The following SDK1 variants were observed in gnomAD, a reference collection of about 807,000 sequenced individuals.
SDK1 encodes the protein protein sidekick-1.
In SDK1, 157 loss-of-function variants were observed where a neutral mutation model predicts 245.5. That is an observed-to-expected ratio of 0.64 (90% confidence interval 0.56 to 0.73). The LOEUF is 0.73. Among genes scored for constraint, SDK1 ranks in the 30% least tolerant of loss-of-function variants. The pLI is 0.00. For missense variants in SDK1, 3,583 were observed against 3,002.3 expected, an observed-to-expected ratio of 1.19 and a Z score of -4.52; for synonymous variants, 1,647 against 1,278.5, an observed-to-expected ratio of 1.29 and a Z score of -6.15.
intron 35 of SDK1, among the ~76,000 whole-genome samples, chr7:4,196,055 G>A (rs1456281909): frequency 2.0e-5 from 3 of 152,174 alleles, no homozygotes; most frequent in East Asian, 1.9e-4. Context: ...CTTCATGTCT[G>A]GACTTTTACT....
chr7:3,845,745 T>C (rs1268730653), intron 5 of SDK1, among the ~76,000 whole-genome samples: 1 of 151,920 alleles, frequency 6.6e-6, no homozygotes, highest in Admixed American at 6.6e-5. Flanking sequence ...GAAATTCCAT[T>C]TGCAGTGTTT....
At chr7:3,609,884 A>G (rs2128641722) in intron 1 of SDK1, among the ~76,000 whole-genome samples, 1 of 151,056 alleles carries the variant, frequency 6.6e-6, no homozygotes, top group East Asian at 2.0e-4. Flanking sequence ...TGTTTTTAGT[A>G]GAGATGGGGT....
chr7:3,764,624 G>A (rs1052512603), intron 4 of SDK1, among the ~76,000 whole-genome samples: 2 of 152,108 alleles, frequency 1.3e-5, no homozygotes, highest in African/African-American at 4.8e-5. Context: ...AGAGGTTGCA[G>A]CGAGCAGGGA....
chr7:3,646,869 A>G (rs1230048588), intron 4 of SDK1, among the ~76,000 whole-genome samples: 1 of 152,236 alleles, frequency 6.6e-6, no homozygotes, highest in Admixed American at 6.5e-5. Flanking sequence ...TAAATACCTT[A>G]TGATTCCACT....
rs117226815 is a variant in SDK1 at position 3,794,781 on chromosome 7, A to G, written c.714-26669A>G. ...TTTCAGAAACAGAAAATGGATCAAC[A>G]CAGGATGCATCCATGCTCTACGTGG... On this transcript the variant is annotated intron_variant, in intron 4 of 44. Coordinates refer to ENST00000404826, the MANE Select transcript of SDK1 (RefSeq NM_152744.4). Among the ~76,000 whole-genome samples, 20 of 152,238 alleles carry G rather than the reference A, an allele frequency of 1.3e-4. No homozygotes were observed. In the East Asian group the frequency reaches 2.7e-3, roughly 21 times the overall value.
At chr7:3,481,528 G>T (rs59663820) in intron 1 of SDK1, among the ~76,000 whole-genome samples, 1 of 152,208 alleles carries the variant, frequency 6.6e-6, no homozygotes, top group Non-Finnish European at 1.5e-5. Flanking sequence ...TACCAACTGG[G>T]TCCAGCCAGT....
At chr7:4,209,092 T>A (rs1784386506) in intron 37 of SDK1, among the ~76,000 whole-genome samples, 1 of 152,194 alleles carries the variant, frequency 6.6e-6, no homozygotes, top group African/African-American at 2.4e-5. Flanking sequence ...TCAGGGCCCC[T>A]TGGCATCAAA....
chr7:4,242,620 C>T (rs1786600767), intron 43 of SDK1, among the ~76,000 whole-genome samples: 1 of 152,158 alleles, frequency 6.6e-6, no homozygotes, highest in Non-Finnish European at 1.5e-5. Flanking sequence ...GACGCTTCGT[C>T]TGGAGAACAG....
intron 4 of SDK1, among the ~76,000 whole-genome samples, chr7:3,755,396 G>A (rs183427509): frequency 1.3e-5 from 2 of 152,276 alleles, no homozygotes; most frequent in Admixed American, 1.3e-4. Flanking sequence ...TCACGCGGGT[G>A]GGAGTTGACA....
chr7:3,757,565 T>C (rs2114985522), intron 4 of SDK1, among the ~76,000 whole-genome samples: 1 of 152,200 alleles, frequency 6.6e-6, no homozygotes, highest in Middle Eastern at 3.4e-3. Context: ...CTATGACCAA[T>C]TTATTATAAA....
chr7:3,867,695 G>A (rs1315341769), intron 5 of SDK1, among the ~76,000 whole-genome samples: 1 of 152,168 alleles, frequency 6.6e-6, no homozygotes, highest in African/African-American at 2.4e-5. Flanking sequence ...CAATACATGG[G>A]AATTCAAGAT....
chr7:4,139,555 GTATATA>G lies in SDK1; in HGVS notation c.4229-6165_4229-6160del, dbSNP rs201454448. On this transcript the variant is annotated intron_variant, in intron 28 of 44. Transcript: ENST00000404826. The stretch of plus-strand genomic sequence containing the variant: ...TGTGTGTATATATGTGTGTGTATAT[GTATATA>G]TGTGTGTATATGTGTGTGTGTATGT... 2.1e-4 allele frequency among the ~76,000 whole-genome samples: 7 copies of G among 33,848 alleles called. 1 individual carries two copies. The highest frequency in any genetic ancestry group is 1.3e-3 in the East Asian group (1 of 750). The allele number at this position is 33,848 out of a possible 152,430, so 22.2% of individuals were successfully genotyped here.
At chr7:3,729,799 T>G (rs6462268) in intron 4 of SDK1, among the ~76,000 whole-genome samples, 6,749 of 152,102 alleles carry the variant, frequency 0.044, 500 homozygotes, top group African/African-American at 0.16. Context: ...AGTCTTATAA[T>G]TTTTGAGCTC....
intron 22 of SDK1, among the ~76,000 whole-genome samples, chr7:4,089,977 G>A (rs116358105): frequency 0.02 from 2,994 of 152,224 alleles, 54 homozygotes; most frequent in Admixed American, 0.048. Context: ...ACTACAGGCC[G>A]GTTATTTCCC....
rs141233960 is a variant in SDK1 at position 3,967,934 on chromosome 7, G to A, written c.1546+500G>A. On this transcript the variant is annotated intron_variant, in intron 10 of 44. Coordinates refer to ENST00000404826, the MANE Select transcript of SDK1 (RefSeq NM_152744.4). ...GATACCATGGGCACAAGGATAAATA[G>A]GACAGACAAGATCCCTGCCTTCTAG... 7.8e-3 allele frequency among the ~76,000 whole-genome samples: 1,193 copies of A among 152,316 alleles called. 40 individuals carry two copies. The highest frequency in any genetic ancestry group is 0.018 in the East Asian group (95 of 5,178).
chr7:3,525,782 C>T (rs1377712856), intron 1 of SDK1, among the ~76,000 whole-genome samples: 1 of 152,156 alleles, frequency 6.6e-6, no homozygotes, highest in African/African-American at 2.4e-5. Context: ...TCCTGGAATT[C>T]TCTAACTCCC....
intron 4 of SDK1, among the ~76,000 whole-genome samples, chr7:3,727,957 C>G (rs557151837): frequency 1.3e-5 from 2 of 152,334 alleles, no homozygotes; most frequent in African/African-American, 4.8e-5. Flanking sequence ...TTTTTCCAGT[C>G]TCTGGCAGTT....
chr7:3,543,381 C>G (rs1316947474), intron 1 of SDK1, among the ~76,000 whole-genome samples: 1 of 152,262 alleles, frequency 6.6e-6, no homozygotes, highest in Non-Finnish European at 1.5e-5. Context: ...GATGGCTAGA[C>G]TCTGACCCCA....
At chr7:3,989,991 A>C (rs1295623399) in intron 14 of SDK1, among the ~76,000 whole-genome samples, 6 of 152,226 alleles carry the variant, frequency 3.9e-5, no homozygotes, top group Non-Finnish European at 7.3e-5. Flanking sequence ...GCCGGTGCTC[A>C]TGACGAGTGT....
Sources: gnomAD v4.1 joint callset for allele counts (sites outside exome capture counted in the v4.1 genomes callset) on GRCh38, gnomAD v4.1.1 for gene constraint, MANE v1.5 for transcripts, NCBI Gene and HGNC (gene_info 2026-07-23, HGNC 2026-07-21) for gene names.